ABLIM1: variants seen among roughly 807,000 people sequenced by gnomAD.
The protein encoded by ABLIM1 is actin-binding LIM protein 1.
Under a neutral mutation model 107.0 loss-of-function variants are expected in ABLIM1, and 40 were observed. The observed-to-expected ratio is 0.37, with a 90% CI of 0.29 to 0.49. The LOEUF (loss-of-function observed/expected upper bound fraction) is 0.49, where lower values mean the gene tolerates loss of function less well. Ranked by LOEUF, ABLIM1 falls within the 20% of genes least tolerant of loss-of-function variation. ABLIM1 has a pLI of 0.97. For synonymous variants in ABLIM1, 357 were observed against 357.3 expected, an observed-to-expected ratio of 1.00 and a Z score of 0.01; for missense variants, 857 against 1,008.5, an observed-to-expected ratio of 0.85 and a Z score of 2.04.
At position 114,574,477 on chromosome 10, in the gene ABLIM1, T is replaced by C. The variant is rs534936800; in HGVS notation, c.563+939A>G. On this transcript the variant is annotated intron_variant, in intron 3 of 22. Coordinates refer to ENST00000533213, the MANE Select transcript of ABLIM1 (RefSeq NM_002313.7). ...TTTTTTGAGATGGAGTCTTGCTGTG[T>C]CACCCAGATTGGAGTGCAGTGGCAC... Among the ~76,000 whole-genome samples, 5 of 152,254 alleles carry C rather than the reference T, an allele frequency of 3.3e-5. No individual in the cohort carries two copies. The South Asian group carries it at 1.0e-3, about 32-fold the overall frequency.
intron 1 of ABLIM1, among the ~76,000 whole-genome samples, chr10:114,677,209 C>T (rs1270751015): frequency 6.6e-6 from 1 of 152,130 alleles, no homozygotes; most frequent in Non-Finnish European, 1.5e-5. Flanking sequence ...TGACTGTATC[C>T]CCAGGTCCTA....
intron 9 of ABLIM1, among the ~76,000 whole-genome samples, chr10:114,473,514 T>C (rs2066981573): frequency 6.6e-6 from 1 of 152,204 alleles, no homozygotes; most frequent in Non-Finnish European, 1.5e-5. Context: ...ATCTTTGTGG[T>C]AGAATTTAGG....
chr10:114,529,992 A>G (rs2065276513), intron 6 of ABLIM1, among the ~76,000 whole-genome samples: 1 of 152,158 alleles, frequency 6.6e-6, no homozygotes, highest in African/African-American at 2.4e-5. Context: ...GTGCCATTGC[A>G]CTCCATTGTG....
chr10:114,791,379 C>CATA, the ABLIM1 span, among the ~76,000 whole-genome samples: 3,851 of 152,288 alleles, frequency 0.025, 165 homozygotes, highest in African/African-American at 0.088. Context: ...TGGCTCATGC[C>CATA]TGTAATCCCA....
chr10:114,544,636 T>C (rs568028086), intron 6 of ABLIM1, among the ~76,000 whole-genome samples: 5 of 152,296 alleles, frequency 3.3e-5, no homozygotes, highest in East Asian at 1.9e-4. Flanking sequence ...CGCCCACAGA[T>C]GCATGCATAG....
intron 1 of ABLIM1, among the ~76,000 whole-genome samples, chr10:114,635,575 A>G (rs1238668450): frequency 6.6e-6 from 1 of 152,212 alleles, no homozygotes; most frequent in Non-Finnish European, 1.5e-5. Flanking sequence ...CCCAGGCTGG[A>G]GTGCAGTGGC....
chr10:114,452,148 A>G (rs1371035934), intron 13 of ABLIM1, among the ~76,000 whole-genome samples: 1 of 152,226 alleles, frequency 6.6e-6, no homozygotes, highest in East Asian at 1.9e-4. Flanking sequence ...TTTTTTTAAA[A>G]AAAACAGAAA....
intron 14 of ABLIM1, 37 bp from the exon 15 acceptor site, chr10:114,448,057 T>C (rs1199417598): frequency 1.2e-6 from 2 of 1,613,700 alleles, no homozygotes; most frequent in East Asian, 2.2e-5. Flanking sequence ...GCTTAGCTAT[T>C]GGTCTGTAAG....
At chr10:114,553,871 C>T (rs1008986798) in intron 4 of ABLIM1, among the ~76,000 whole-genome samples, 7 of 152,142 alleles carry the variant, frequency 4.6e-5, no homozygotes, top group African/African-American at 1.4e-4. Context: ...ACTGGAGGTA[C>T]ATGAATGTCC....
At chr10:114,673,650 C>G (rs1420791115) in intron 1 of ABLIM1, among the ~76,000 whole-genome samples, 2 of 152,206 alleles carry the variant, frequency 1.3e-5, no homozygotes, top group African/African-American at 2.4e-5. Flanking sequence ...CCTGGATGCC[C>G]CAACTAAATT....
rs78704668 is a variant in ABLIM1, at chr10:114,537,615, C to T, written c.894+7390G>A. 8.0e-3 allele frequency among the ~76,000 whole-genome samples: 1,225 copies of T among 152,286 alleles called. 17 individuals carry two copies. Among genetic ancestry groups the T allele is most frequent in the African/African-American group, 0.028 (1,169 of 41,554 alleles). ...ACTAGTAACTAACTGCCCTGACCAG[C>T]TTGCAGGCCTGTGGTGAGAATTAAA... On this transcript the variant is annotated intron_variant, in intron 6 of 22. Coordinates refer to ENST00000533213, the MANE Select transcript of ABLIM1 (RefSeq NM_002313.7).
At chr10:114,612,375 C>T (rs2076865865) in intron 1 of ABLIM1, among the ~76,000 whole-genome samples, 1 of 152,188 alleles carries the variant, frequency 6.6e-6, no homozygotes, top group Non-Finnish European at 1.5e-5. Context: ...ATACAAATGT[C>T]TTGACCTTGG....
chr10:114,496,599 C>CA (rs1163191215), intron 6 of ABLIM1, among the ~76,000 whole-genome samples: 1 of 152,172 alleles, frequency 6.6e-6, no homozygotes, highest in African/African-American at 2.4e-5. Flanking sequence ...CACCATGGCA[C>CA]ATGCTTACCT....
intron 1 of ABLIM1, among the ~76,000 whole-genome samples, chr10:114,642,455 A>C (rs551885190): frequency 2.4e-4 from 37 of 152,352 alleles, no homozygotes; most frequent in African/African-American, 8.4e-4. Flanking sequence ...AACAAAACAA[A>C]CACTGATAAA....
At chr10:114,747,549 T>C (rs1306734227) in intron 1 of ABLIM1, among the ~76,000 whole-genome samples, 1 of 152,132 alleles carries the variant, frequency 6.6e-6, no homozygotes, top group Non-Finnish European at 1.5e-5. Flanking sequence ...CTTTTTTATG[T>C]AGGGGAGTCA....
intron 8 of ABLIM1, among the ~76,000 whole-genome samples, chr10:114,487,734 C>A (rs1412001759): frequency 6.6e-6 from 1 of 152,134 alleles, no homozygotes; most frequent in Non-Finnish European, 1.5e-5. Context: ...ACTAGTAAGG[C>A]CAAGGCTTAC....
chr10:114,530,492 C>T (rs530067370), intron 6 of ABLIM1, among the ~76,000 whole-genome samples: 1 of 152,226 alleles, frequency 6.6e-6, no homozygotes, highest in South Asian at 2.1e-4. Context: ...AAAAAAATCA[C>T]TTGGGCCTTT....
chr10:114,760,378 T>C (rs1041671178), intron 1 of ABLIM1, among the ~76,000 whole-genome samples: 6 of 149,878 alleles, frequency 4.0e-5, no homozygotes, highest in African/African-American at 1.5e-4. Context: ...TTCTATTCCA[T>C]TCTCAGCAAG....
exon 1 of ABLIM1, chr10:114,684,350 A>T: frequency 6.2e-7 from 1 of 1,614,086 alleles, no homozygotes; most frequent in Non-Finnish European, 8.5e-7. Context: ...AAGGTCATTA[A>T]CATGCACAAA....
Sources: allele counts gnomAD v4.1 joint callset (sites outside exome capture counted in the v4.1 genomes callset), GRCh38; gene constraint gnomAD v4.1.1; transcripts MANE v1.5; gene names NCBI Gene and HGNC (gene_info 2026-07-23, HGNC 2026-07-21).